Variants in SLC43A1 observed in about 807,000 individuals in gnomAD.
SLC43A1 encodes large neutral amino acids transporter small subunit 3.
SLC43A1 carries 31 observed loss-of-function variants against 59.5 expected under a neutral mutation model. The observed-to-expected ratio is 0.52, with a 90% CI of 0.39 to 0.70. The LOEUF (loss-of-function observed/expected upper bound fraction) is 0.70. SLC43A1 is among the 30% of genes least tolerant of loss of function. The pLI, the probability that SLC43A1 is intolerant of heterozygous loss-of-function variation, is 0.00. For missense variants in SLC43A1, 598 were observed against 717.8 expected (o/e 0.83, Z 1.91); for synonymous variants, 259 against 290.9 (o/e 0.89, Z 1.12).
intron 14 of SLC43A1, among the ~76,000 whole-genome samples, chr11:57,486,803 C>T (rs1452036603): frequency 1.3e-5 from 2 of 151,190 alleles, no homozygotes; most frequent in East Asian, 1.9e-4. Flanking sequence ...AATGAGACTC[C>T]GTCTCAAAAA....
chr11:57,504,995 A>G (rs1309244901), intron 2 of SLC43A1, among the ~76,000 whole-genome samples: 1 of 152,224 alleles, frequency 6.6e-6, no homozygotes, highest in Non-Finnish European at 1.5e-5. Flanking sequence ...CATGTTAATG[A>G]CAACAGAAAA....
Position 57,487,130 on chromosome 11 carries a change from C to T in SLC43A1, c.1498G>A (p.Ala500Thr), listed in dbSNP as rs748180956. The T allele has an allele frequency of 5.6e-6, 9 of 1,614,102 alleles. No homozygotes were observed. The South Asian group carries it at 9.9e-5, about 18-fold the overall frequency. Reference sequence around the variant, plus strand: ...TCTCCTTTCAGGGGTCCCACCATCGCCATGAAAAGTGGCTGCTGAAGCAAG... The same window carrying T: ...TCTCCTTTCAGGGGTCCCACCATCGTCATGAAAAGTGGCTGCTGAAGCAAG... Reference protein sequence around the residue: ...FALLQQPLFMAMVGPLKGEPF... With the variant: ...FALLQQPLFMTMVGPLKGEPF... Residue 500 changes from alanine (A) to threonine (T), a missense_variant, in exon 14 of 15, where the codon GCG (alanine) becomes ACG (threonine). Physicochemically the swap from Ala to Thr is moderately conservative, Grantham distance 58. Transcript: ENST00000278426.
intron 8 of SLC43A1, 78 bp from the exon 9 acceptor site, chr11:57,491,940 G>A (rs929301671): frequency 2.9e-6 from 4 of 1,397,822 alleles, no homozygotes; most frequent in Admixed American, 2.0e-5. Context: ...TGCAGTTCTT[G>A]GGGGGAGTGA....
intron 12 of SLC43A1, 22 bp from the exon 13 acceptor site, chr11:57,489,011 G>A (rs1391646741): frequency 6.2e-7 from 1 of 1,609,840 alleles, no homozygotes; most frequent in South Asian, 1.1e-5. Context: ...AAGAGAGAGT[G>A]AAGAGGTTAG....
intron 2 of SLC43A1, among the ~76,000 whole-genome samples, chr11:57,508,409 G>C (rs1944445532): frequency 6.6e-6 from 1 of 152,150 alleles, no homozygotes; most frequent in South Asian, 2.1e-4. Context: ...CTGTGTTCTT[G>C]GGACACTGCA....
At chr11:57,503,775 G>GC (rs1427286684) in intron 2 of SLC43A1, among the ~76,000 whole-genome samples, 1 of 152,184 alleles carries the variant, frequency 6.6e-6, no homozygotes, top group Non-Finnish European at 1.5e-5. Context: ...ACCAGCAGTT[G>GC]CCCCCACCCA....
Position 57,496,261 on chromosome 11 carries a change from T to G in SLC43A1, c.559-97A>C, listed in dbSNP as rs943526404. The G allele has an allele frequency of 2.1e-5, 29 of 1,393,554 alleles. No homozygotes were observed. The Admixed American group carries it at 5.4e-4, about 26-fold the overall frequency. The allele number at this position is 1,393,554 out of a possible 1,614,324, so 86.3% of individuals were successfully genotyped here. On this transcript the variant is annotated intron_variant, in intron 6 of 14. Coordinates refer to ENST00000278426, the MANE Select transcript of SLC43A1 (RefSeq NM_003627.6). The stretch of plus-strand genomic sequence containing the variant: ...CTCAGAGGCCTTAAAGAAGTTCTCT[T>G]CTCCCCTTGTCCTTGTGCCCAATTT...
chr11:57,490,929 C>G (rs990194400), intron 11 of SLC43A1, among the ~76,000 whole-genome samples: 1 of 152,208 alleles, frequency 6.6e-6, no homozygotes, highest in African/African-American at 2.4e-5. Context: ...CCCTGTACCT[C>G]GGTTTCCTCA....
chr11:57,505,060 T>TAGGATGGG (rs1944362580), intron 2 of SLC43A1, among the ~76,000 whole-genome samples: 1 of 152,108 alleles, frequency 6.6e-6, no homozygotes, highest in Non-Finnish European at 1.5e-5. Flanking sequence ...AAGCGAAGCA[T>TAGGATGGG]AGGATGGGAC....
intron 5 of SLC43A1, chr11:57,499,810 C>G (rs895430493): frequency 4.6e-5 from 7 of 152,384 alleles, no homozygotes; most frequent in African/African-American, 1.7e-4. Context: ...CAAGCCCCAC[C>G]CGGCCGCCAG....
chr11:57,509,669 G>C (rs1305869739), intron 2 of SLC43A1, among the ~76,000 whole-genome samples: 1 of 125,922 alleles, frequency 7.9e-6, no homozygotes, highest in Non-Finnish European at 1.7e-5. Context: ...AGGGAGGAAG[G>C]GAAGGAGGGA....
chr11:57,490,641 G>A (rs1051449591), intron 11 of SLC43A1, among the ~76,000 whole-genome samples: 1 of 152,220 alleles, frequency 6.6e-6, no homozygotes, highest in African/African-American at 2.4e-5. Flanking sequence ...AGCCCTGGCT[G>A]ACAGCCTGAC....
chr11:57,490,531 G>A (rs936093397), intron 11 of SLC43A1, among the ~76,000 whole-genome samples: 1 of 152,202 alleles, frequency 6.6e-6, no homozygotes, highest in African/African-American at 2.4e-5. Context: ...TTGCTCAAGG[G>A]AAAGCAGGTG....
At chr11:57,513,196 C>T (rs1439274833) in intron 2 of SLC43A1, among the ~76,000 whole-genome samples, 1 of 152,232 alleles carries the variant, frequency 6.6e-6, no homozygotes, top group Non-Finnish European at 1.5e-5. Context: ...TCCAAGCTTA[C>T]TCCACAACAC....
chr11:57,494,542 G>T, intron 7 of SLC43A1: 2 of 265,552 alleles, frequency 7.5e-6, no homozygotes, highest in South Asian at 4.2e-5. Flanking sequence ...TTATTAATGG[G>T]GTTAATACCC....
At chr11:57,509,991 T>C (rs1944495671) in intron 2 of SLC43A1, among the ~76,000 whole-genome samples, 2 of 152,202 alleles carry the variant, frequency 1.3e-5, no homozygotes, top group South Asian at 2.1e-4. Flanking sequence ...ATCTCAGTAA[T>C]AGAAAGATAA....
At chr11:57,504,158 C>T (rs1450654970) in intron 2 of SLC43A1, among the ~76,000 whole-genome samples, 1 of 152,162 alleles carries the variant, frequency 6.6e-6, no homozygotes, top group Non-Finnish European at 1.5e-5. Flanking sequence ...GATCGCGCCA[C>T]TGCACTCCAG....
chr11:57,484,908 GGGGGCGT>G lies in SLC43A1; in HGVS notation c.*181_*187del. The G allele has an allele frequency of 1.6e-6, 1 of 617,254 alleles. No homozygotes were observed. Among genetic ancestry groups the G allele is most frequent in the Non-Finnish European group, 2.6e-6 (1 of 379,868 alleles). The allele number at this position is 617,254 out of a possible 1,614,324, so 38.2% of individuals were successfully genotyped here. On this transcript the variant is annotated 3_prime_UTR_variant, in exon 15 of 15. Transcript: ENST00000278426. ...CTTCAGTCAATGGAGCGTTGACTTA[GGGGGCGT>G]TTTTGAAGGTTTTTTTTCCTCCTTT...
At chr11:57,500,948 ATTCTT>A in intron 4 of SLC43A1, 35 bp downstream of exon 4, 1 of 1,597,334 alleles carries the variant, frequency 6.3e-7, no homozygotes, top group South Asian at 1.1e-5. Context: ...CATCCCACCT[ATTCTT>A]TTCTTGTGGG....
Sources: allele counts gnomAD v4.1 joint callset (sites outside exome capture counted in the v4.1 genomes callset), GRCh38; gene constraint gnomAD v4.1.1; transcripts MANE v1.5; gene names NCBI Gene and HGNC (gene_info 2026-07-23, HGNC 2026-07-21).